Variants in CLSTN1 observed in about 807,000 individuals in gnomAD.
CLSTN1 encodes the protein calsyntenin 1.
In CLSTN1, 28 loss-of-function variants were observed where a neutral mutation model predicts 108.3. That is an observed-to-expected ratio of 0.26 (90% confidence interval 0.19 to 0.35). The LOEUF is 0.35. CLSTN1 is among the 10% of genes least tolerant of loss of function. The probability of loss-of-function intolerance (pLI) is 1.00; values close to 1 mark genes in which losing one functional copy is unlikely to be tolerated. For missense variants in CLSTN1, 1,157 were observed against 1,302.6 expected, an observed-to-expected ratio of 0.89 and a Z score of 1.72; for synonymous variants, 524 against 534.9, an observed-to-expected ratio of 0.98 and a Z score of 0.28.
chr1:9,770,459 AAAG>A (rs1323378648), intron 2 of CLSTN1, among the ~76,000 whole-genome samples: 2 of 152,226 alleles, frequency 1.3e-5, no homozygotes, highest in Non-Finnish European at 2.9e-5. Context: ...TCGTGCAGTT[AAAG>A]ATGTAGCTAC....
At chr1:9,739,029 G>C (rs892067934) in intron 10 of CLSTN1, among the ~76,000 whole-genome samples, 4 of 152,178 alleles carry the variant, frequency 2.6e-5, no homozygotes, top group African/African-American at 4.8e-5. Flanking sequence ...AGTAATTAAT[G>C]ATGATGATAC....
intron 3 of CLSTN1, 53 bp downstream of exon 3, chr1:9,756,428 A>G: frequency 6.7e-7 from 1 of 1,496,752 alleles, no homozygotes; most frequent in Non-Finnish European, 9.3e-7. Context: ...AATTTTATAA[A>G]CAAAGTTAGT....
intron 2 of CLSTN1, among the ~76,000 whole-genome samples, chr1:9,757,838 C>G (rs1651891491): frequency 6.6e-6 from 1 of 152,184 alleles, no homozygotes; most frequent in African/African-American, 2.4e-5. Flanking sequence ...ACACTGGGCC[C>G]TCACTGGTGG....
intron 1 of CLSTN1, among the ~76,000 whole-genome samples, chr1:9,807,913 CT>C (rs1654574691): frequency 6.6e-6 from 1 of 152,246 alleles, no homozygotes; most frequent in Non-Finnish European, 1.5e-5. Context: ...CTTCACAACC[CT>C]TCTCTGGTAC....
intron 7 of CLSTN1, among the ~76,000 whole-genome samples, chr1:9,747,839 C>T (rs1046606225): frequency 1.3e-5 from 2 of 151,914 alleles, no homozygotes; most frequent in East Asian, 1.9e-4. Flanking sequence ...GTCAGGAGAT[C>T]GAGACCATCC....
intron 1 of CLSTN1, among the ~76,000 whole-genome samples, chr1:9,785,178 T>C (rs1653428694): frequency 6.6e-6 from 1 of 152,020 alleles, no homozygotes; most frequent in South Asian, 2.1e-4. Flanking sequence ...TGGCTAATTT[T>C]TGTATTTTTA....
chr1:9,739,814 ATTTTTTT>A (rs35078301), intron 10 of CLSTN1, among the ~76,000 whole-genome samples: 34 of 122,822 alleles, frequency 2.8e-4, no homozygotes, highest in Non-Finnish European at 3.7e-4. Context: ...GCAATAGGGC[ATTTTTTT>A]TTTTTTTTTT....
At chr1:9,821,858 C>T (rs1490925126) in intron 1 of CLSTN1, among the ~76,000 whole-genome samples, 2 of 152,128 alleles carry the variant, frequency 1.3e-5, no homozygotes, top group Non-Finnish European at 2.9e-5. Context: ...ACTACTGTAA[C>T]TGCACCAAGA....
intron 1 of CLSTN1, among the ~76,000 whole-genome samples, chr1:9,803,778 G>C (rs1228709602): frequency 6.6e-6 from 1 of 151,864 alleles, no homozygotes; most frequent in Non-Finnish European, 1.5e-5. Context: ...CTCCAGCCTG[G>C]GCAACAGAGC....
At chr1:9,758,477 C>A (rs1453834692) in intron 2 of CLSTN1, among the ~76,000 whole-genome samples, 1 of 151,416 alleles carries the variant, frequency 6.6e-6, no homozygotes, top group East Asian at 1.9e-4. Context: ...CCAAGCCTCG[C>A]TAATTTTTGT....
intron 2 of CLSTN1, among the ~76,000 whole-genome samples, chr1:9,760,621 G>A (rs1410200918): frequency 1.3e-5 from 2 of 151,436 alleles, no homozygotes; most frequent in Admixed American, 1.3e-4. Flanking sequence ...CTGAGTTCAA[G>A]CGATTCTCCC....
intron 1 of CLSTN1, among the ~76,000 whole-genome samples, chr1:9,782,627 T>C (rs577197413): frequency 6.6e-6 from 1 of 152,272 alleles, no homozygotes; most frequent in Non-Finnish European, 1.5e-5. Flanking sequence ...TAAGTCAAGA[T>C]GAAAAAAATA....
At chr1:9,777,065 C>G (rs1380945031) in intron 1 of CLSTN1, among the ~76,000 whole-genome samples, 1 of 151,680 alleles carries the variant, frequency 6.6e-6, no homozygotes, top group East Asian at 1.9e-4. Flanking sequence ...ACTAAAAATA[C>G]AAAAATTAGC....
chr1:9,812,081 G>A (rs550071299), intron 1 of CLSTN1, among the ~76,000 whole-genome samples: 1 of 152,248 alleles, frequency 6.6e-6, no homozygotes, highest in South Asian at 2.1e-4. Flanking sequence ...AGCTTGCAGT[G>A]AGCCGAGATC....
intron 1 of CLSTN1, among the ~76,000 whole-genome samples, chr1:9,819,045 T>G (rs995232170): frequency 6.6e-6 from 1 of 151,908 alleles, no homozygotes; most frequent in Non-Finnish European, 1.5e-5. Flanking sequence ...CCACCCACAT[T>G]GGCCTCCCAA....
Position 9,730,390 on chromosome 1 carries a change from G to A in CLSTN1, c.*118C>T, listed in dbSNP as rs1389092190. 1.1e-6 allele frequency: 1 copy of A among 889,834 alleles called. No homozygotes were observed. Among genetic ancestry groups the A allele is most frequent in the Non-Finnish European group, 1.8e-6 (1 of 553,728 alleles). 55.1% of individuals were successfully genotyped at this position (889,834 alleles called of 1,614,324 possible). A position where few individuals can be genotyped will look rare whatever the true frequency, so the allele number is the denominator to read the frequency against. ...CAAGCACAGCGACGATCGTGGCGGG[G>A]AGGGGTCTGCACACCTACTGGCCGA... On this transcript the variant is annotated 3_prime_UTR_variant, in exon 19 of 19. Transcript: ENST00000377298. This position sits in a 1 kb window ranked among gnomAD's most constrained non-coding sequence, Gnocchi z 5.6.
At chr1:9,794,440 C>CT (rs1653901436) in intron 1 of CLSTN1, among the ~76,000 whole-genome samples, 1 of 151,488 alleles carries the variant, frequency 6.6e-6, no homozygotes. Context: ...TCCCAAGTAG[C>CT]TGAGATCACA....
At position 9,823,339 on chromosome 1, in the gene CLSTN1, T is replaced by G. The variant is rs936273813; in HGVS notation, c.91+304A>C. On this transcript the variant is annotated intron_variant, in intron 1 of 18. Coordinates refer to ENST00000377298, the MANE Select transcript of CLSTN1 (RefSeq NM_001009566.3). The surrounding 1 kb of genome is among the most constrained non-coding windows in gnomAD (Gnocchi z 6.3). ...GCGCAGCCACCACCATGGGCTGCAGTGGGGGCAGCCCAGGCTCAGGAGCCC... is the reference window on the plus strand; with the variant it reads ...GCGCAGCCACCACCATGGGCTGCAGGGGGGGCAGCCCAGGCTCAGGAGCCC... Among the ~76,000 whole-genome samples the G allele has an allele frequency of 1.3e-5, 2 of 152,066 alleles. No homozygotes were observed. Among genetic ancestry groups the G allele is most frequent in the Non-Finnish European group, 2.9e-5 (2 of 67,976 alleles).
At chr1:9,801,662 C>T (rs1654275884) in intron 1 of CLSTN1, among the ~76,000 whole-genome samples, 1 of 152,196 alleles carries the variant, frequency 6.6e-6, no homozygotes, top group African/African-American at 2.4e-5. Context: ...TCAAGTGATT[C>T]TCCTGCCTCA....
Sources: allele counts gnomAD v4.1 joint callset (sites outside exome capture counted in the v4.1 genomes callset), GRCh38; gene constraint gnomAD v4.1.1; non-coding constraint Gnocchi (gnomAD v3.1); transcripts MANE v1.5; gene names NCBI Gene and HGNC (gene_info 2026-07-23, HGNC 2026-07-21).